The following LOXL4 variants were observed in gnomAD, a reference collection of about 807,000 sequenced individuals.
The protein encoded by LOXL4 is lysyl oxidase like 4, also known as lysyl oxidase homolog 4.
A neutral mutation model predicts 89.1 loss-of-function variants in LOXL4; 72 were observed. That is an observed-to-expected ratio of 0.81 (90% CI 0.67 to 0.98). The LOEUF (loss-of-function observed/expected upper bound fraction) is 0.98, where lower values mean the gene tolerates loss of function less well. Among genes scored for constraint, LOXL4 ranks in the 50% least tolerant of loss-of-function variants. The pLI, the probability that LOXL4 is intolerant of heterozygous loss-of-function variation, is 0.00. For synonymous variants in LOXL4, 355 were observed against 392.1 expected, an observed-to-expected ratio of 0.91 and a Z score of 1.12; for missense variants, 984 against 1,017.5, an observed-to-expected ratio of 0.97 and a Z score of 0.45.
rs375427147 is a variant in LOXL4 at position 98,253,736 on chromosome 10, C to T, written c.1652G>A (p.Arg551His). The change falls in exon 11 of 15, where the codon CGC (arginine) becomes CAC (histidine). Residue 551 changes from arginine to histidine, a missense_variant. Arg to His is a conservative substitution (Grantham distance 29, BLOSUM62 0). Transcript: ENST00000260702. ...LVQETAYLED[R>H]PLSQLYCAHE... The stretch of plus-strand genomic sequence containing the variant: ...GGCACAATACAGCTGGCTGAGCGGG[C>T]GGTCCTCCAAGTAGGCCGTCTCCTG... The T allele has an allele frequency of 3.8e-5, 62 of 1,614,048 alleles. No individual in the cohort carries two copies. Among genetic ancestry groups the T allele is most frequent in the Admixed American group, 5.0e-5 (3 of 59,992 alleles).
Position 98,257,659 on chromosome 10 carries a change from A to G in LOXL4, c.1251T>C (p.Phe417=). The G allele has an allele frequency of 1.2e-6, 2 of 1,613,502 alleles. No homozygotes were observed. The highest frequency in any genetic ancestry group is 2.2e-5 in the South Asian group (2 of 90,992). ...TCAGACCCAAACTCACCTGATTCTG[A>G]AAGCCCATGTTAGGGACATTGCACC... ...AVRCNVPNMG[F]QNQVRLAGGR... Residue 417 remains phenylalanine, a synonymous_variant, in exon 8 of 15, where the codon TTT becomes TTC. Coordinates refer to ENST00000260702, the MANE Select transcript of LOXL4 (RefSeq NM_032211.7).
At chr10:98,249,507 C>G (rs1858127650) in intron 14 of LOXL4, among the ~76,000 whole-genome samples, 1 of 152,206 alleles carries the variant, frequency 6.6e-6, no homozygotes, top group Admixed American at 6.5e-5. Context: ...CAGCCCTTGC[C>G]CCTCTTCAAG....
At position 98,262,922 on chromosome 10, in the gene LOXL4, C is replaced by A. The variant is rs146918734; in HGVS notation, c.98G>T (p.Arg33Leu). The change falls in exon 2 of 15, where the codon CGG (arginine) becomes CTG (leucine). Residue 33 changes from arginine (R) to leucine (L), a missense_variant. Physicochemically the swap from Arg to Leu is moderately radical, Grantham distance 102. Coordinates refer to ENST00000260702, the MANE Select transcript of LOXL4 (RefSeq NM_032211.7). ...RPQSLGTTKLRLVGPESKPEE... is the reference protein window; with the variant it reads ...RPQSLGTTKLLLVGPESKPEE... Reference sequence around the variant, plus strand: ...TGGCTTGCTCTCTGGGCCCACCAGCCGGAGCTTAGTGGTGCCCAGTGACTG... The same window carrying A: ...TGGCTTGCTCTCTGGGCCCACCAGCAGGAGCTTAGTGGTGCCCAGTGACTG... 1.2e-6 allele frequency: 2 copies of A among 1,613,638 alleles called. No homozygotes were observed. The highest frequency in any genetic ancestry group is 4.5e-5 in the East Asian group (2 of 44,868).
chr10:98,250,379 G>A (rs1402438385), intron 14 of LOXL4, among the ~76,000 whole-genome samples: 1 of 152,184 alleles, frequency 6.6e-6, no homozygotes, highest in African/African-American at 2.4e-5. Context: ...CCCAGTTTCT[G>A]GGGCACAGCG....
chr10:98,257,400 T>G (rs1364280093), intron 8 of LOXL4, among the ~76,000 whole-genome samples: 1 of 152,222 alleles, frequency 6.6e-6, no homozygotes, highest in African/African-American at 2.4e-5. Context: ...CCCAGGCACC[T>G]TCTTTCTCAG....
intron 4 of LOXL4, among the ~76,000 whole-genome samples, chr10:98,260,480 TG>T (rs941879543): frequency 2.3e-5 from 3 of 128,450 alleles, no homozygotes; most frequent in African/African-American, 5.8e-5. Context: ...GGGCGGGGGG[TG>T]GGGGGGCGTT....
At chr10:98,253,303 C>T (rs951959985) in intron 11 of LOXL4, among the ~76,000 whole-genome samples, 8 of 152,230 alleles carry the variant, frequency 5.3e-5, no homozygotes, top group African/African-American at 1.2e-4. Flanking sequence ...ACTCTGCTGG[C>T]GGTGACGCCT....
intron 1 of LOXL4, among the ~76,000 whole-genome samples, chr10:98,266,682 G>C (rs1162878460): frequency 1.3e-5 from 2 of 152,140 alleles, no homozygotes; most frequent in African/African-American, 2.4e-5. Flanking sequence ...GCCCCCGAGA[G>C]CTTTTGCTCA....
Position 98,262,898 on chromosome 10 carries a change from G to A in LOXL4, c.122C>T (p.Pro41Leu). Reference protein sequence around the residue: ...KLRLVGPESKPEEGRLEVLHQ... With the variant: ...KLRLVGPESKLEEGRLEVLHQ... ...CAGCACCTCCAGGCGGCCCTCCTCT[G>A]GCTTGCTCTCTGGGCCCACCAGCCG... The change falls in exon 2 of 15, where the codon CCA becomes CTA. Residue 41 changes from proline to leucine, a missense_variant. Pro to Leu is a moderately conservative substitution (Grantham distance 98). Transcript: ENST00000260702. The A allele has an allele frequency of 1.2e-6, 2 of 1,613,626 alleles. No individual in the cohort carries two copies. The highest frequency in any genetic ancestry group is 1.7e-6 in the Non-Finnish European group (2 of 1,180,026).
At chr10:98,249,752 T>C (rs10736124) in intron 14 of LOXL4, among the ~76,000 whole-genome samples, 145,931 of 152,240 alleles carry the variant, frequency 0.96, 70,229 homozygotes, top group East Asian at 1. Flanking sequence ...AGCCTGATTC[T>C]AGCATTATGG....
chr10:98,258,188 G>A, intron 6 of LOXL4, 24 bp from the exon 7 acceptor site: 1 of 1,592,494 alleles, frequency 6.3e-7, no homozygotes, highest in South Asian at 1.1e-5. Flanking sequence ...CCTGCTTCAG[G>A]GACGGCTGAG....
At chr10:98,264,486 A>T (rs1370395013) in intron 1 of LOXL4, among the ~76,000 whole-genome samples, 2 of 151,614 alleles carry the variant, frequency 1.3e-5, no homozygotes, top group Non-Finnish European at 2.9e-5. Flanking sequence ...GGCCATGTGT[A>T]CTACACAGAG....
chr10:98,262,304 C>G, intron 2 of LOXL4, 91 bp from the exon 3 acceptor site: 1 of 1,363,858 alleles, frequency 7.3e-7, no homozygotes, highest in Non-Finnish European at 1.0e-6. Context: ...ACCAAGTCAC[C>G]TCTTCCAAAC....
At chr10:98,259,520 AC>A in intron 4 of LOXL4, 91 bp from the exon 5 acceptor site, 1 of 1,076,414 alleles carries the variant, frequency 9.3e-7, no homozygotes, top group Non-Finnish European at 1.4e-6. Flanking sequence ...TTAAGTTTGC[AC>A]AGGACTTTAC....
At chr10:98,251,460 G>T in intron 13 of LOXL4, 106 bp downstream of exon 13, 1 of 1,488,440 alleles carries the variant, frequency 6.7e-7, no homozygotes, top group South Asian at 1.3e-5. Context: ...TGACAGGCCT[G>T]TCGGAAACCC....
chr10:98,256,966 T>G lies in LOXL4; in HGVS notation c.1261-19A>C, dbSNP rs776056066. The G allele has an allele frequency of 6.2e-7, 1 of 1,611,042 alleles. No homozygotes were observed. The highest frequency in any genetic ancestry group is 1.7e-5 in the Admixed American group (1 of 59,764). ...AGCGCACCTGCAATGGCGAGGGGTGTGTGAGGAGTGGGGTAGCCTTGCAGG... is the reference window on the plus strand; with the variant it reads ...AGCGCACCTGCAATGGCGAGGGGTGGGTGAGGAGTGGGGTAGCCTTGCAGG... On this transcript the variant is annotated intron_variant, in intron 8 of 14. Transcript: ENST00000260702.
At chr10:98,256,757 G>C (rs971169336) in intron 9 of LOXL4, 23 bp downstream of exon 9, 7 of 1,613,702 alleles carry the variant, frequency 4.3e-6, no homozygotes, top group South Asian at 1.1e-5. Flanking sequence ...AGGTCATACG[G>C]AAGAAACAAC....
chr10:98,257,775 G>A lies in LOXL4; in HGVS notation c.1135C>T (p.Arg379Cys), dbSNP rs77858766. ...AGGGTCCGCTCATATCCCCTGCAGCGCACCTCACTCAGGTGGATGGGCCCT... is the reference window on the plus strand; with the variant it reads ...AGGGTCCGCTCATATCCCCTGCAGCACACCTCACTCAGGTGGATGGGCCCT... ...GLGPIHLSEV[R>C]CRGYERTLSD... The change falls in exon 8 of 15, where the codon CGC becomes TGC. Residue 379 changes from arginine (R) to cysteine (C), a missense_variant. Coordinates refer to ENST00000260702, the MANE Select transcript of LOXL4 (RefSeq NM_032211.7). The A allele has an allele frequency of 4.3e-3, 6,979 of 1,613,724 alleles. 112 individuals carry two copies. Among genetic ancestry groups the A allele is most frequent in the East Asian group, 0.024 (1,079 of 44,870 alleles).
chr10:98,257,511 G>A (rs1042908211), intron 8 of LOXL4, 139 bp downstream of exon 8: 22 of 1,067,608 alleles, frequency 2.1e-5, no homozygotes, highest in Middle Eastern at 2.1e-4. Context: ...TCGGCTCTAA[G>A]GGAAGGCAGA....
Sources: gnomAD v4.1 joint callset for allele counts (sites outside exome capture counted in the v4.1 genomes callset) on GRCh38, gnomAD v4.1.1 for gene constraint, MANE v1.5 for transcripts, NCBI Gene and HGNC (gene_info 2026-07-23, HGNC 2026-07-21) for gene names.